The following HEATR5A variants were observed in gnomAD, a reference collection of about 807,000 sequenced individuals.
HEATR5A encodes the protein HEAT repeat containing 5A.
Under a neutral mutation model 218.8 loss-of-function variants are expected in HEATR5A, and 178 were observed. The observed-to-expected ratio is 0.81, with a 90% CI of 0.72 to 0.92. The LOEUF (loss-of-function observed/expected upper bound fraction) is 0.92. HEATR5A is among the 40% of genes least tolerant of loss of function. HEATR5A has a pLI of 0.00. For missense variants in HEATR5A, 2,420 were observed against 2,418.9 expected (o/e 1.00, Z -0.01); for synonymous variants, 864 against 871.6 (o/e 0.99, Z 0.15).
intron 23 of HEATR5A, among the ~76,000 whole-genome samples, chr14:31,324,406 T>C (rs1900200144): frequency 6.6e-6 from 1 of 152,216 alleles, no homozygotes; most frequent in Non-Finnish European, 1.5e-5. Flanking sequence ...AAAATGGAAC[T>C]AATGCTATGA....
chr14:31,394,624 G>A (rs11156670), intron 5 of HEATR5A, among the ~76,000 whole-genome samples: 33,510 of 151,858 alleles, frequency 0.22, 4,565 homozygotes, highest in East Asian at 0.35. Flanking sequence ...GACCATCCTG[G>A]CTAAGATGGT....
intron 3 of HEATR5A, among the ~76,000 whole-genome samples, chr14:31,399,938 T>C (rs2030810156): frequency 6.6e-6 from 1 of 152,238 alleles, no homozygotes; most frequent in Admixed American, 6.5e-5. Flanking sequence ...TTTAGGATCT[T>C]AGCAAATACT....
At position 31,394,172 on chromosome 14, in the gene HEATR5A, T is replaced by G. The variant is rs767351465; in HGVS notation, c.652A>C (p.Ser218Arg). The G allele has an allele frequency of 1.3e-6, 2 of 1,533,952 alleles. No individual in the cohort carries two copies. The highest frequency in any genetic ancestry group is 1.2e-5 in the South Asian group (1 of 83,644). The change falls in exon 6 of 36, where the codon AGT becomes CGT. Residue 218 changes from serine to arginine, a missense_variant. Transcript: ENST00000543095. ...AIFMWSTDLDSVATLCFKSFE... is the reference protein window; with the variant it reads ...AIFMWSTDLDRVATLCFKSFE... ...GACTTAAAACACAGTGTGGCCACACTGTCCAGGTCCGTACTCCACATAAAG... is the reference window on the plus strand; with the variant it reads ...GACTTAAAACACAGTGTGGCCACACGGTCCAGGTCCGTACTCCACATAAAG...
intron 1 of HEATR5A, among the ~76,000 whole-genome samples, chr14:31,409,499 T>C (rs893978976): frequency 1.3e-5 from 2 of 152,082 alleles, no homozygotes; most frequent in Admixed American, 6.5e-5. Context: ...GAGGAGTTCA[T>C]GACCAACCTG....
intron 19 of HEATR5A, among the ~76,000 whole-genome samples, 156 bp from the exon 20 acceptor site, chr14:31,345,432 G>C (rs1371939305): frequency 1.3e-5 from 2 of 152,214 alleles, no homozygotes; most frequent in Non-Finnish European, 2.9e-5. Flanking sequence ...TTCCAACTCA[G>C]AGGCAATCAT....
intron 16 of HEATR5A, among the ~76,000 whole-genome samples, chr14:31,357,516 G>C (rs1002786947): frequency 6.6e-6 from 1 of 152,144 alleles, no homozygotes; most frequent in African/African-American, 2.4e-5. Context: ...CTATGAGAGA[G>C]ATTCACTTCC....
chr14:31,328,604 G>A (rs766421887), intron 22 of HEATR5A, among the ~76,000 whole-genome samples: 2 of 152,234 alleles, frequency 1.3e-5, no homozygotes, highest in Admixed American at 6.5e-5. Flanking sequence ...TTCAGTCCAG[G>A]CACAGTGGCT....
In HEATR5A at chr14:31,304,954, T is replaced by C. The variant is rs894281168; in HGVS notation, c.5190A>G (p.Ser1730=). The C allele has an allele frequency of 6.2e-7, 1 of 1,614,044 alleles. No individual in the cohort carries two copies. Among genetic ancestry groups the C allele is most frequent in the African/African-American group, 1.3e-5 (1 of 75,060 alleles). The change falls in exon 32 of 36, where the codon TCA becomes TCG. Residue 1730 remains serine, a synonymous_variant. Coordinates refer to ENST00000543095, the MANE Select transcript of HEATR5A (RefSeq NM_015473.4). ...GTTCGGAAAGGATAACCAATGCAGC[T>C]GAAACCAATCTACTTCCATCTTCTA... ...ILLEDGSRLV[S]AALVILSELP...
chr14:31,374,167 A>G (rs186331836), intron 12 of HEATR5A, among the ~76,000 whole-genome samples: 2 of 152,098 alleles, frequency 1.3e-5, no homozygotes, highest in East Asian at 3.9e-4. Flanking sequence ...TTAGCTGGGC[A>G]TGGTGGCATG....
chr14:31,394,104 C>T lies in HEATR5A; in HGVS notation c.720G>A (p.Lys240=), dbSNP rs1303644764. 3 of 1,535,228 alleles carry T rather than the reference C, an allele frequency of 2.0e-6. No homozygotes were observed. Among genetic ancestry groups the T allele is most frequent in the Non-Finnish European group, 2.6e-6 (3 of 1,146,216 alleles). The stretch of plus-strand genomic sequence containing the variant: ...CTTTAGCTAATATTATGCCTAGTAA[C>T]TTTGAAACAGAAATCCGCACATCAT... ...SNYDVRISVS[K]LLGIILAKAV... Residue 240 remains lysine (K), a synonymous_variant, in exon 6 of 36, where the codon AAG becomes AAA. Coordinates refer to ENST00000543095, the MANE Select transcript of HEATR5A (RefSeq NM_015473.4).
intron 35 of HEATR5A, 75 bp downstream of exon 35, chr14:31,293,816 T>G: frequency 8.0e-7 from 1 of 1,249,536 alleles, no homozygotes; most frequent in Non-Finnish European, 1.1e-6. Flanking sequence ...ATGTGACTGA[T>G]TGTTTTGCAA....
chr14:31,306,992 T>C (rs1899575227), intron 30 of HEATR5A, 113 bp from the exon 31 acceptor site: 1 of 860,968 alleles, frequency 1.2e-6, no homozygotes, highest in Non-Finnish European at 1.7e-6. Flanking sequence ...TGTAACAAAT[T>C]GCTTTAGTGC....
intron 16 of HEATR5A, among the ~76,000 whole-genome samples, chr14:31,356,475 T>C (rs1901430921): frequency 6.6e-6 from 1 of 152,200 alleles, no homozygotes; most frequent in African/African-American, 2.4e-5. Flanking sequence ...GCTCAAGCAA[T>C]TTGCCTGCCT....
chr14:31,312,417 T>G (rs1019573725), intron 28 of HEATR5A, among the ~76,000 whole-genome samples: 4 of 150,176 alleles, frequency 2.7e-5, no homozygotes, highest in African/African-American at 9.7e-5. Context: ...GTGTGTCCTT[T>G]TTTTTTTTTT....
chr14:31,341,682 A>C (rs1222438089), intron 21 of HEATR5A, among the ~76,000 whole-genome samples: 1 of 152,182 alleles, frequency 6.6e-6, no homozygotes, highest in Non-Finnish European at 1.5e-5. Flanking sequence ...TACAGGTATG[A>C]GCCATTGTGC....
intron 11 of HEATR5A, among the ~76,000 whole-genome samples, chr14:31,377,824 G>A (rs950124819): frequency 1.1e-4 from 17 of 151,776 alleles, no homozygotes; most frequent in African/African-American, 4.1e-4. Flanking sequence ...AGATAATAAA[G>A]GGAAAGAATA....
At position 31,296,017 on chromosome 14, in the gene HEATR5A, A is replaced by G. The variant is rs377313119; in HGVS notation, c.5511T>C (p.Ala1837=). 18 of 1,613,118 alleles carry G rather than the reference A, an allele frequency of 1.1e-5. No individual in the cohort carries two copies. The African/African-American group carries it at 1.9e-4, about 17-fold the overall frequency. Residue 1837 remains alanine, a synonymous_variant, in exon 34 of 36, where the codon GCT becomes GCC. Transcript: ENST00000543095. The part of the protein sequence containing the change: ...QELDEVSLLT[A]ITVFILSTSP... The stretch of plus-strand genomic sequence containing the variant: ...TGGTAGACAAAATAAACACTGTGAT[A>G]GCAGTAAGTAGACTGACTTCATCAA...
chr14:31,354,977 G>A (rs1391369397), intron 16 of HEATR5A, among the ~76,000 whole-genome samples: 1 of 152,160 alleles, frequency 6.6e-6, no homozygotes, highest in Non-Finnish European at 1.5e-5. Context: ...CACCACCATA[G>A]TATGCATACC....
In HEATR5A at chr14:31,414,764, T is replaced by C. The variant is rs76452960; in HGVS notation, c.-75+5708A>G. Among the ~76,000 whole-genome samples the C allele has an allele frequency of 9.8e-3, 1,488 of 152,298 alleles. 24 individuals carry two copies. The highest frequency in any genetic ancestry group is 0.034 in the African/African-American group (1,409 of 41,550). On this transcript the variant is annotated intron_variant, in intron 1 of 35. Transcript: ENST00000543095. The stretch of plus-strand genomic sequence containing the variant: ...ATGTCTCTTACATCCCAGTTAGAAT[T>C]CACAGATTCACCCTTAATCCACACT...
Sources: gnomAD v4.1 joint callset for allele counts (sites outside exome capture counted in the v4.1 genomes callset) on GRCh38, gnomAD v4.1.1 for gene constraint, MANE v1.5 for transcripts, NCBI Gene and HGNC (gene_info 2026-07-23, HGNC 2026-07-21) for gene names.